The following DIXDC1 variants were observed in gnomAD, a reference collection of about 807,000 sequenced individuals.
DIXDC1 encodes the protein dixin.
DIXDC1 carries 64 observed loss-of-function variants against 103.1 expected under a neutral mutation model. The ratio of observed to expected loss-of-function variants is 0.62; its 90% CI spans 0.51 to 0.76. The LOEUF is 0.76. DIXDC1 is among the 30% of genes least tolerant of loss of function. The pLI, the probability that DIXDC1 is intolerant of heterozygous loss-of-function variation, is 0.00. For synonymous variants in DIXDC1, 266 were observed against 298.5 expected, an observed-to-expected ratio of 0.89 and a Z score of 1.12; for missense variants, 759 against 834.2, an observed-to-expected ratio of 0.91 and a Z score of 1.11.
At chr11:111,941,837 TACACACACACACACAC>T (rs10635444) in intron 1 of DIXDC1, among the ~76,000 whole-genome samples, 4 of 139,188 alleles carry the variant, frequency 2.9e-5, no homozygotes, top group Non-Finnish European at 4.8e-5. Context: ...CGAAACAAAA[TACACACACACACACAC>T]ACACACACAC....
Position 112,019,187 on chromosome 11 carries a change from C to T in DIXDC1, c.*151C>T, listed in dbSNP as rs1861683789. ...CAAGCATGATGGCCACAGGTCAGTC[C>T]TCTTTCTGTGCCTGGCATATCTGGT... On this transcript the variant is annotated 3_prime_UTR_variant, in exon 20 of 20. Coordinates refer to ENST00000440460, the MANE Select transcript of DIXDC1 (RefSeq NM_001037954.4). 5.1e-6 allele frequency: 3 copies of T among 584,028 alleles called. No homozygotes were observed. Among genetic ancestry groups the T allele is most frequent in the Admixed American group, 6.1e-5 (2 of 33,010 alleles). The allele number at this position is 584,028 out of a possible 1,614,324, so 36.2% of individuals were successfully genotyped here.
chr11:111,985,000 G>A (rs587771225), intron 7 of DIXDC1, among the ~76,000 whole-genome samples: 1 of 152,350 alleles, frequency 6.6e-6, no homozygotes, highest in Non-Finnish European at 1.5e-5. Context: ...AAGGCACCTT[G>A]AAGCAGAGCA....
At chr11:111,961,996 C>G (rs587657534) in intron 1 of DIXDC1, among the ~76,000 whole-genome samples, 1 of 152,246 alleles carries the variant, frequency 6.6e-6, no homozygotes, top group East Asian at 1.9e-4. Context: ...ACCCTATGTA[C>G]CCCGTCATAG....
chr11:111,957,380 A>G (rs1444639470), intron 1 of DIXDC1, among the ~76,000 whole-genome samples: 2 of 152,244 alleles, frequency 1.3e-5, no homozygotes, highest in Non-Finnish European at 2.9e-5. Context: ...GGATATTTTC[A>G]TAGTCTCAAA....
chr11:111,954,589 G>A (rs1966873114), intron 1 of DIXDC1, among the ~76,000 whole-genome samples: 1 of 152,164 alleles, frequency 6.6e-6, no homozygotes, highest in Admixed American at 6.6e-5. Flanking sequence ...AGACAGTTGA[G>A]CATATATGGA....
At chr11:112,011,462 C>T (rs1156907834) in intron 17 of DIXDC1, among the ~76,000 whole-genome samples, 2 of 152,136 alleles carry the variant, frequency 1.3e-5, no homozygotes, top group African/African-American at 4.8e-5. Flanking sequence ...GATATATACC[C>T]AAAGGATTAT....
chr11:111,991,982 G>T (rs939451143), intron 10 of DIXDC1, among the ~76,000 whole-genome samples: 2 of 152,146 alleles, frequency 1.3e-5, no homozygotes, highest in African/African-American at 4.8e-5. Context: ...GTATTTATAT[G>T]CCCAAGATAT....
upstream of DIXDC1, among the ~76,000 whole-genome samples, chr11:111,934,689 C>T (rs964003372): frequency 2.0e-5 from 3 of 152,062 alleles, no homozygotes; most frequent in Non-Finnish European, 1.5e-5. Flanking sequence ...CTCAGTTCTT[C>T]ATCTGAGCCA....
intron 17 of DIXDC1, among the ~76,000 whole-genome samples, chr11:112,000,786 C>T (rs1041108976): frequency 4.6e-5 from 7 of 151,678 alleles, no homozygotes; most frequent in Non-Finnish European, 8.8e-5. Context: ...AGTGAGATAC[C>T]ACTTTACACC....
intron 2 of DIXDC1, among the ~76,000 whole-genome samples, chr11:111,965,496 G>A (rs952553390): frequency 2.6e-5 from 4 of 152,154 alleles, no homozygotes; most frequent in African/African-American, 9.7e-5. Context: ...CAAGTGGTAC[G>A]GAAGAAGCCA....
upstream of DIXDC1, among the ~76,000 whole-genome samples, chr11:111,933,152 G>A (rs1289059575): frequency 6.6e-6 from 1 of 152,114 alleles, no homozygotes; most frequent in Non-Finnish European, 1.5e-5. Context: ...TTTTGAGACG[G>A]AGTTACGCTC....
intron 5 of DIXDC1, chr11:111,975,768 G>A (rs1448078484): frequency 3.0e-6 from 3 of 985,318 alleles, no homozygotes; most frequent in African/African-American, 1.7e-5. Flanking sequence ...TGTCTTGTAT[G>A]TATGTTATGT....
chr11:111,943,868 GA>G (rs1196226790), intron 1 of DIXDC1, among the ~76,000 whole-genome samples: 1 of 152,144 alleles, frequency 6.6e-6, no homozygotes, highest in Non-Finnish European at 1.5e-5. Flanking sequence ...ACTGTGGAAA[GA>G]AAAACTATGG....
At chr11:111,940,549 T>C (rs1283001732) in intron 1 of DIXDC1, among the ~76,000 whole-genome samples, 1 of 152,220 alleles carries the variant, frequency 6.6e-6, no homozygotes, top group African/African-American at 2.4e-5. Flanking sequence ...GGCTGAACTT[T>C]CTTTAAAAAC....
At chr11:111,956,474 C>G (rs1859369171) in intron 1 of DIXDC1, among the ~76,000 whole-genome samples, 2 of 152,012 alleles carry the variant, frequency 1.3e-5, no homozygotes, top group African/African-American at 2.4e-5. Flanking sequence ...ATTTGAGCAG[C>G]AAAATAAATA....
chr11:112,021,522 G>C lies in DIXDC1; in HGVS notation c.*2486G>C, dbSNP rs9971485. ...TTGTCGCCTGGTGGCATTGGTGTGG[G>C]GTAGCTTGTCCTGCTACTTGCTAAA... On this transcript the variant is annotated 3_prime_UTR_variant, in exon 20 of 20. Transcript: ENST00000440460. 48,143 of 152,058 alleles carry C rather than the reference G, an allele frequency of 0.32. 8,576 individuals are homozygous for C. The highest frequency in any genetic ancestry group is 0.59 in the East Asian group (3,060 of 5,168). The allele number at this position is 152,058 out of a possible 1,614,324, so 9.4% of individuals were successfully genotyped here. A position where few individuals can be genotyped will look rare whatever the true frequency, so the allele number is the denominator to read the frequency against.
chr11:111,974,863 C>T lies in DIXDC1; in HGVS notation c.549-13C>T, dbSNP rs1555172421. On this transcript the variant is annotated splice_polypyrimidine_tract_variant and intron_variant, in intron 4 of 19. Coordinates refer to ENST00000440460, the MANE Select transcript of DIXDC1 (RefSeq NM_001037954.4). ...ACTGACACCTTCCCTTTGCTGGGGT[C>T]CTTTGACTTTAGGAACAGCAGCATG... 13 of 1,612,228 alleles carry T rather than the reference C, an allele frequency of 8.1e-6. No homozygotes were observed. The highest frequency in any genetic ancestry group is 1.1e-5 in the Non-Finnish European group (13 of 1,179,238).
At position 111,986,984 on chromosome 11, in the gene DIXDC1, C is replaced by G. The variant is rs1324234535; in HGVS notation, c.1062+60C>G. ...ACATTATGGGGGCCAGGCACGGTGG[C>G]TCGCGCCTGTAATCCCAGCACTTTG... On this transcript the variant is annotated intron_variant, in intron 9 of 19. Transcript: ENST00000440460. 6 of 1,424,208 alleles carry G rather than the reference C, an allele frequency of 4.2e-6. No homozygotes were observed. The African/African-American group carries it at 8.5e-5, about 20-fold the overall frequency. 88.2% of individuals were successfully genotyped at this position (1,424,208 alleles called of 1,614,324 possible).
chr11:111,935,606 T>C (rs1936756931), upstream of DIXDC1, among the ~76,000 whole-genome samples: 1 of 152,226 alleles, frequency 6.6e-6, no homozygotes, highest in South Asian at 2.1e-4. Flanking sequence ...TGCATGCAAG[T>C]CTGTGCTGTT....
Sources: allele counts gnomAD v4.1 joint callset (sites outside exome capture counted in the v4.1 genomes callset), GRCh38; gene constraint gnomAD v4.1.1; transcripts MANE v1.5; gene names NCBI Gene and HGNC (gene_info 2026-07-23, HGNC 2026-07-21).